Variants in CACNA1C observed in about 807,000 individuals in gnomAD.
CACNA1C encodes voltage-dependent L-type calcium channel subunit alpha-1C.
In CACNA1C, 30 loss-of-function variants were observed where a neutral mutation model predicts 229.0. The observed-to-expected ratio is 0.13, with a 90% confidence interval of 0.10 to 0.18. The LOEUF (loss-of-function observed/expected upper bound fraction) is 0.18, where lower values mean the gene tolerates loss of function less well. Among genes scored for constraint, CACNA1C ranks in the 10% least tolerant of loss-of-function variants. The pLI is 1.00. For missense variants in CACNA1C, 1,658 were observed against 2,845.0 expected, an observed-to-expected ratio of 0.58 and a Z score of 9.49; for synonymous variants, 1,114 against 1,132.5, an observed-to-expected ratio of 0.98 and a Z score of 0.33.
chr12:2,625,824 G>A (rs1178574488), intron 29 of CACNA1C, among the ~76,000 whole-genome samples: 1 of 151,860 alleles, frequency 6.6e-6, no homozygotes, highest in Non-Finnish European at 1.5e-5. Flanking sequence ...CAGATATAGT[G>A]GCACACACCT....
chr12:2,576,662 A>G (rs1013884776), intron 13 of CACNA1C, among the ~76,000 whole-genome samples: 2 of 152,212 alleles, frequency 1.3e-5, no homozygotes, highest in East Asian at 3.9e-4. Context: ...CCATCATCCA[A>G]TCTTCAGGCC....
intron 3 of CACNA1C, among the ~76,000 whole-genome samples, chr12:2,405,252 C>T (rs567913602): frequency 3.1e-4 from 47 of 152,292 alleles, no homozygotes; most frequent in Admixed American, 1.2e-3. Flanking sequence ...ATGTACATAA[C>T]GATGGCACAG....
At chr12:2,455,770 C>T (rs922763256) in intron 4 of CACNA1C, among the ~76,000 whole-genome samples, 5 of 152,190 alleles carry the variant, frequency 3.3e-5, no homozygotes, top group African/African-American at 9.6e-5. Flanking sequence ...ACACCACCGC[C>T]TGTTCACTGA....
At chr12:2,383,247 G>T (rs879456303) in intron 3 of CACNA1C, among the ~76,000 whole-genome samples, 5 of 152,206 alleles carry the variant, frequency 3.3e-5, no homozygotes, top group Non-Finnish European at 5.9e-5. Context: ...AGAAGGGTGG[G>T]TGGGAGCAAA....
intron 1 of CACNA1C, among the ~76,000 whole-genome samples, chr12:2,073,589 A>C (rs778207681): frequency 3.3e-5 from 5 of 152,258 alleles, no homozygotes; most frequent in Non-Finnish European, 7.3e-5. Flanking sequence ...CCACAGGAGC[A>C]GAGCCACCTG....
intron 38 of CACNA1C, among the ~76,000 whole-genome samples, chr12:2,669,828 G>A (rs561625461): frequency 6.4e-4 from 98 of 152,280 alleles, no homozygotes; most frequent in African/African-American, 2.3e-3. Flanking sequence ...TCAGGGCTGC[G>A]TCCACCTGGA....
At chr12:2,226,964 A>C (rs1476499937) in intron 3 of CACNA1C, among the ~76,000 whole-genome samples, 4 of 152,186 alleles carry the variant, frequency 2.6e-5, no homozygotes, top group Admixed American at 6.5e-5. Context: ...AAGGTTTTCA[A>C]ATATGCCTGT....
intron 30 of CACNA1C, among the ~76,000 whole-genome samples, chr12:2,645,799 G>A (rs1187360348): frequency 1.3e-5 from 2 of 152,230 alleles, no homozygotes; most frequent in Non-Finnish European, 2.9e-5. Context: ...GGAAACAGGT[G>A]TGAGCGGTGG....
At position 2,686,220 on chromosome 12, in the gene CACNA1C, G is replaced by A. The variant is rs2097476034; in HGVS notation, c.5735G>A (p.Gly1912Glu). ...ECLKRQKDRG[G>E]DISQKTVLPL... is the part of the protein sequence containing the mutation. Reference sequence around the variant, plus strand: ...CTGAAGCGACAGAAGGACCGAGGGGGAGACATCTCTCAGAAGACAGTCCTG... The same window carrying A: ...CTGAAGCGACAGAAGGACCGAGGGGAAGACATCTCTCAGAAGACAGTCCTG... The change falls in exon 45 of 47, where the codon GGA (glycine) becomes GAA (glutamate). Residue 1912 changes from glycine (G) to glutamate (E), a missense_variant. Transcript: ENST00000399655. 8 of 1,613,686 alleles carry A rather than the reference G, an allele frequency of 5.0e-6. No homozygotes were observed. Among genetic ancestry groups the A allele is most frequent in the Non-Finnish European group, 6.8e-6 (8 of 1,179,884 alleles).
intron 3 of CACNA1C, among the ~76,000 whole-genome samples, chr12:2,421,047 A>AAGTT (rs1197452109): frequency 6.6e-6 from 1 of 152,246 alleles, no homozygotes; most frequent in Non-Finnish European, 1.5e-5. Flanking sequence ...AACTAAGTTG[A>AAGTT]AGTCTCCATC....
rs767269890 is a variant in CACNA1C, at chr12:2,575,938, G to C, written c.1896-5652G>C. Among the ~76,000 whole-genome samples, 6 of 152,164 alleles carry C rather than the reference G, an allele frequency of 3.9e-5. No homozygotes were observed. Among genetic ancestry groups the C allele is most frequent in the Non-Finnish European group, 7.3e-5 (5 of 68,036 alleles). ...AGAAGAGGAGGAAGAATTCCACAGA[G>C]CCCCAAACCCAGAGACAGACCTAGA... On this transcript the variant is annotated intron_variant, in intron 13 of 46. Transcript: ENST00000399655. This position sits in a 1 kb window ranked among gnomAD's most constrained non-coding sequence, Gnocchi z 4.0.
chr12:2,155,523 T>C (rs879211522), intron 3 of CACNA1C, among the ~76,000 whole-genome samples: 14 of 152,228 alleles, frequency 9.2e-5, no homozygotes, highest in Admixed American at 7.2e-4. Flanking sequence ...CTGACTAGAA[T>C]AGCTCAATTG....
chr12:2,274,027 A>T (rs1340617762), intron 3 of CACNA1C, among the ~76,000 whole-genome samples: 2 of 152,198 alleles, frequency 1.3e-5, no homozygotes, highest in Non-Finnish European at 1.5e-5. Flanking sequence ...ACGCGGCAGG[A>T]GCTATCCTGG....
intron 1 of CACNA1C, among the ~76,000 whole-genome samples, chr12:2,100,467 AAAAAAAAAAAAAC>A (rs1021861954): frequency 5.8e-5 from 4 of 68,848 alleles, no homozygotes; most frequent in Non-Finnish European, 1.0e-4. Flanking sequence ...ACTCCATCTC[AAAAAAAAAAAAAC>A]AAAAAAAAAA....
chr12:2,246,810 G>T (rs1210947564), intron 3 of CACNA1C, among the ~76,000 whole-genome samples: 1 of 152,152 alleles, frequency 6.6e-6, no homozygotes, highest in African/African-American at 2.4e-5. Context: ...GGCCAAGGTT[G>T]GGGGTGAGGG....
chr12:2,174,013 G>T (rs973529006), intron 3 of CACNA1C, among the ~76,000 whole-genome samples: 12 of 152,024 alleles, frequency 7.9e-5, no homozygotes, highest in Non-Finnish European at 1.5e-4. Flanking sequence ...ACATCAAAGG[G>T]CGAGTTTTAA....
intron 3 of CACNA1C, among the ~76,000 whole-genome samples, chr12:2,357,813 A>G (rs1014268498): frequency 6.6e-6 from 1 of 152,048 alleles, no homozygotes; most frequent in African/African-American, 2.4e-5. Context: ...TCTACTAAAA[A>G]TACAAAAATT....
intron 10 of CACNA1C, among the ~76,000 whole-genome samples, chr12:2,552,916 T>TC (rs1335013949): frequency 1.3e-5 from 2 of 152,236 alleles, no homozygotes; most frequent in Non-Finnish European, 2.9e-5. Flanking sequence ...AGGGCAAACT[T>TC]CAAGACAAGG....
At position 2,467,513 on chromosome 12, in the gene CACNA1C, C is replaced by T. The variant is rs144981066; in HGVS notation, c.757+9807C>T. Reference sequence around the variant, plus strand: ...GGAGGAAGCCCCAGGACCCGCTCCCCGCCTTCCCACCCAGGCAGCCTGGGG... The same window carrying T: ...GGAGGAAGCCCCAGGACCCGCTCCCTGCCTTCCCACCCAGGCAGCCTGGGG... On this transcript the variant is annotated intron_variant, in intron 5 of 46. Transcript: ENST00000399655. The surrounding 1 kb of genome is among the most constrained non-coding windows in gnomAD (Gnocchi z 4.6). Among the ~76,000 whole-genome samples, 74 of 152,298 alleles carry T rather than the reference C, an allele frequency of 4.9e-4. No individual in the cohort carries two copies. The highest frequency in any genetic ancestry group is 6.8e-3 in the Middle Eastern group (2 of 294).
Sources: gnomAD v4.1 joint callset for allele counts (sites outside exome capture counted in the v4.1 genomes callset) on GRCh38, gnomAD v4.1.1 for gene constraint, Gnocchi (gnomAD v3.1) non-coding constraint, MANE v1.5 for transcripts, NCBI Gene and HGNC (gene_info 2026-07-23, HGNC 2026-07-21) for gene names.